Variants in KDM6A observed in about 807,000 individuals in gnomAD.
The protein encoded by KDM6A is lysine-specific demethylase 6A.
KDM6A carries 11 observed loss-of-function variants against 117.6 expected under a neutral mutation model. The observed-to-expected ratio is 0.09, with a 90% CI of 0.06 to 0.15. KDM6A has a LOEUF of 0.15. Among genes scored for constraint, KDM6A ranks in the 10% least tolerant of loss-of-function variants. The probability of loss-of-function intolerance (pLI) is 1.00; values close to 1 mark genes in which losing one functional copy is unlikely to be tolerated. For synonymous variants in KDM6A, 384 were observed against 396.1 expected (o/e 0.97, Z 0.36); for missense variants, 799 against 1,077.3 (o/e 0.74, Z 3.62).
intron 2 of KDM6A, among the ~76,000 whole-genome samples, chrX:44,922,534 T>C (rs1311269704): frequency 1.8e-5 from 2 of 112,209 alleles, no homozygotes; most frequent in Admixed American, 1.9e-4. Flanking sequence ...AGTGGCGTGA[T>C]CTCGGCTCAC....
At chrX:44,964,936 G>A (rs1316075418) in intron 3 of KDM6A, among the ~76,000 whole-genome samples, 2 of 112,224 alleles carry the variant, frequency 1.8e-5, no homozygotes. Context: ...GCTGTTTCAC[G>A]GAGATTGAAA....
chrX:44,880,158 GC>G (rs1320539543), intron 2 of KDM6A, among the ~76,000 whole-genome samples: 10 of 99,489 alleles, frequency 1.0e-4, no homozygotes, highest in African/African-American at 4.0e-4. Context: ...GGGCGACAGA[GC>G]GAGACTTCAT....
chrX:44,912,316 C>T (rs1238175223), intron 2 of KDM6A, among the ~76,000 whole-genome samples: 4 of 110,571 alleles, frequency 3.6e-5, no homozygotes, highest in Admixed American at 9.6e-5. Context: ...CTCGAACTCT[C>T]GACCTCAGGT....
chrX:45,008,508 A>G (rs1163137951), intron 4 of KDM6A, among the ~76,000 whole-genome samples: 2 of 111,633 alleles, frequency 1.8e-5, no homozygotes, highest in African/African-American at 6.5e-5. Flanking sequence ...CCTCACCCCC[A>G]CACCCCCATT....
In KDM6A at chrX:45,062,675, A is replaced by G. The variant is rs771764815; in HGVS notation, c.1610A>G (p.Asn537Ser). 3 of 1,207,049 alleles carry G rather than the reference A, an allele frequency of 2.5e-6. No homozygotes were observed. Among genetic ancestry groups the G allele is most frequent in the East Asian group, 3.0e-5 (1 of 33,759 alleles). ...TTGGAACAGCTCCGCGCAAATAGAAATAATTTAAATCCAGCACAGAAACTG... is the reference window on the plus strand; with the variant it reads ...TTGGAACAGCTCCGCGCAAATAGAAGTAATTTAAATCCAGCACAGAAACTG... ...QHLEQLRANR[N>S]NLNPAQKLML... The change falls in exon 16 of 30, where the codon AAT becomes AGT. Residue 537 changes from asparagine (N) to serine (S), a missense_variant. By Grantham distance (46) the Asn-to-Ser change is conservative. Around this residue, in one of 8 missense-constraint regions of KDM6A, gnomAD observed 301 missense variants for 318.3 expected, o/e 0.95. Transcript: ENST00000611820.
At chrX:44,952,428 C>T (rs1266242700) in intron 2 of KDM6A, among the ~76,000 whole-genome samples, 5 of 109,757 alleles carry the variant, frequency 4.6e-5, no homozygotes, top group Non-Finnish European at 7.6e-5. Flanking sequence ...CCCACCACCA[C>T]GCCCAGCTAA....
chrX:45,031,210 T>A, intron 6 of KDM6A, among the ~76,000 whole-genome samples: 1 of 111,935 alleles, frequency 8.9e-6, no homozygotes, highest in Middle Eastern at 4.6e-3. Context: ...TCTTTTTGGA[T>A]TCTGTTATGG....
intron 2 of KDM6A, among the ~76,000 whole-genome samples, chrX:44,952,399 G>A (rs1666941894): frequency 9.2e-6 from 1 of 108,555 alleles, no homozygotes; most frequent in South Asian, 4.1e-4. Flanking sequence ...AGCCTCCTGA[G>A]TAGCTGGAAT....
intron 5 of KDM6A, among the ~76,000 whole-genome samples, chrX:45,011,581 C>T (rs955042325): frequency 1.0e-4 from 11 of 110,240 alleles, no homozygotes; most frequent in Middle Eastern, 4.7e-3. Context: ...AGTGAAGTAC[C>T]CTGTAATATT....
intron 4 of KDM6A, among the ~76,000 whole-genome samples, chrX:44,979,680 C>T (rs1433863638): frequency 4.5e-5 from 5 of 110,669 alleles, no homozygotes; most frequent in African/African-American, 1.3e-4. Context: ...TATTTCCTCA[C>T]CTTTTAAATT....
Position 45,066,676 on chromosome X carries a change from T to C in KDM6A, c.2079+2859T>C, listed in dbSNP as rs1426797897. Among the ~76,000 whole-genome samples, 7 of 112,340 alleles carry C rather than the reference T, an allele frequency of 6.2e-5. No homozygotes were observed. In the Admixed American group the frequency reaches 6.6e-4, roughly 11 times the overall value. Reference sequence around the variant, plus strand: ...GTTATGATTGTAAAGCATAGTTCTATTTTCTTTTCTCTCACATCTACTTCT... The same window carrying C: ...GTTATGATTGTAAAGCATAGTTCTACTTTCTTTTCTCTCACATCTACTTCT... On this transcript the variant is annotated intron_variant, in intron 17 of 29. Transcript: ENST00000611820.
At chrX:45,107,372 T>C in intron 27 of KDM6A, 38 bp from the exon 28 acceptor site, 1 of 1,178,483 alleles carries the variant, frequency 8.5e-7, no homozygotes, top group Non-Finnish European at 1.2e-6. Context: ...TATTCAATAT[T>C]CAGTTGCTGG....
At position 44,901,596 on chromosome X, in the gene KDM6A, G is replaced by GT. The variant is rs1381502319; in HGVS notation, c.225+27614dup. Among the ~76,000 whole-genome samples the GT allele has an allele frequency of 9.9e-5, 11 of 111,125 alleles. No individual in the cohort carries two copies. The East Asian group carries it at 2.8e-3, about 29-fold the overall frequency. The stretch of plus-strand genomic sequence containing the variant: ...GCCTCCAACTAATGTTGAATTGTCT[G>GT]TTTTTCCTCAATTCAGCTTTTGCTT... On this transcript the variant is annotated intron_variant, in intron 2 of 29. Coordinates refer to ENST00000611820, the MANE Select transcript of KDM6A (RefSeq NM_001291415.2).
chrX:45,020,221 C>T (rs2042119877), intron 5 of KDM6A, among the ~76,000 whole-genome samples: 1 of 111,416 alleles, frequency 9.0e-6, no homozygotes, highest in Admixed American at 9.6e-5. Context: ...ATAGAGTAGA[C>T]CAGAAACAAG....
rs78749806 is a variant in KDM6A at position 45,047,674 on chromosome X, C to CTTTTTTTTTTTTT, written c.655-4018_655-4006dup. Among the ~76,000 whole-genome samples the CTTTTTTTTTTTTT allele has an allele frequency of 2.0e-3, 72 of 36,360 alleles. 29 individuals carry two copies. The highest frequency in any genetic ancestry group is 2.7e-3 in the Non-Finnish European group (53 of 19,605). 31.6% of individuals were successfully genotyped at this position (36,360 alleles called of 115,157 possible). On this transcript the variant is annotated intron_variant, in intron 8 of 29. Coordinates refer to ENST00000611820, the MANE Select transcript of KDM6A (RefSeq NM_001291415.2). ...TCAAATATCTGCTTGCTTTTTTTTT[C>CTTTTTTTTTTTTT]TTTTTTTTTTTTTTTTTTTTTTTTT...
At position 45,070,029 on chromosome X, in the gene KDM6A, G is replaced by C. The variant is rs762572749; in HGVS notation, c.2530G>C (p.Val844Leu). 2 of 1,211,377 alleles carry C rather than the reference G, an allele frequency of 1.7e-6. No homozygotes were observed. The highest frequency in any genetic ancestry group is 1.8e-5 in the South Asian group (1 of 56,973). Reference protein sequence around the residue: ...ALLMGKANNNVGTGTCDKVNN... With the variant: ...ALLMGKANNNLGTGTCDKVNN... ...GTTGATGGGAAAAGCCAATAACAAT[G>C]TGGGTACTGGAACCTGTGACAAAGT... is the stretch of plus-strand genomic sequence containing the variant. The change falls in exon 18 of 30, where the codon GTG becomes CTG. Residue 844 changes from valine (V) to leucine (L), a missense_variant. Around this residue, in one of 8 missense-constraint regions of KDM6A, gnomAD observed 301 missense variants for 318.3 expected, o/e 0.95. Transcript: ENST00000611820.
At chrX:44,981,216 T>A (rs181535433) in intron 4 of KDM6A, among the ~76,000 whole-genome samples, 209 of 111,812 alleles carry the variant, frequency 1.9e-3, no homozygotes, top group Non-Finnish European at 2.7e-3. Context: ...GAGAGCTAAG[T>A]CCCACAAGAC....
chrX:45,035,445 AT>A lies in KDM6A; in HGVS notation c.619+465del, dbSNP rs1382161065. The stretch of plus-strand genomic sequence containing the variant: ...TATCATTTAGAAAGCTTGAGTTGAC[AT>A]TTTTCAATTAATTAGAAAGGAATAC... On this transcript the variant is annotated intron_variant, in intron 7 of 29. Transcript: ENST00000611820. Among the ~76,000 whole-genome samples the A allele has an allele frequency of 2.2e-4, 25 of 111,370 alleles. 1 individual carries two copies. The highest frequency in any genetic ancestry group is 7.5e-4 in the African/African-American group (23 of 30,707).
intron 5 of KDM6A, among the ~76,000 whole-genome samples, chrX:45,016,828 A>T (rs989362677): frequency 5.4e-5 from 6 of 111,348 alleles, no homozygotes; most frequent in Non-Finnish European, 5.6e-5. Context: ...GTCTTTCCAA[A>T]TGTACTGGAA....
Sources: allele counts gnomAD v4.1 joint callset (sites outside exome capture counted in the v4.1 genomes callset), GRCh38; gene constraint gnomAD v4.1.1; regional missense constraint gnomAD v4.1.1; transcripts MANE v1.5; gene names NCBI Gene and HGNC (gene_info 2026-07-23, HGNC 2026-07-21).